MRC2: variants seen among roughly 807,000 people sequenced by gnomAD.
The protein encoded by MRC2 is mannose receptor C-type 2.
In MRC2, 84 loss-of-function variants were observed where a neutral mutation model predicts 206.2. The ratio of observed to expected loss-of-function variants is 0.41; its 90% CI spans 0.34 to 0.49. The LOEUF is 0.49. Ranked by LOEUF, MRC2 falls within the 20% of genes least tolerant of loss-of-function variation. The pLI, the probability that MRC2 is intolerant of heterozygous loss-of-function variation, is 0.31. For synonymous variants in MRC2, 798 were observed against 800.0 expected, an observed-to-expected ratio of 1.00 and a Z score of 0.04; for missense variants, 1,676 against 2,001.5, an observed-to-expected ratio of 0.84 and a Z score of 3.10.
At chr17:62,677,602 G>A (rs80181739) in intron 12 of MRC2, 116 bp downstream of exon 12, 9 of 929,516 alleles carry the variant, frequency 9.7e-6, no homozygotes, top group African/African-American at 1.7e-5. Context: ...GGCTGCAGAC[G>A]GGTGATTTCT....
rs377701338 is a variant in MRC2 at position 62,660,183 on chromosome 17, A to G, written c.119-4365A>G. Among the ~76,000 whole-genome samples, 7 of 152,334 alleles carry G rather than the reference A, an allele frequency of 4.6e-5. No individual in the cohort carries two copies. The East Asian group carries it at 7.7e-4, about 17-fold the overall frequency. On this transcript the variant is annotated intron_variant, in intron 1 of 29. Transcript: ENST00000303375. ...AGAGGTAGAGAGGAAAAAATCCTTG[A>G]AAGTAAAAAGTAAACCTGGCACATT...
intron 1 of MRC2, among the ~76,000 whole-genome samples, chr17:62,630,026 C>CTGTCACTGGAAGGAGTCCTCTTTGTTAGT (rs2084203947): frequency 6.6e-6 from 1 of 151,854 alleles, no homozygotes; most frequent in African/African-American, 2.4e-5. Context: ...CCCGCGGAGA[C>CTGTCACTGGAAGGAGTCCTCTTTGTTAGT]TGTCACTGGA....
chr17:62,674,468 C>T (rs910785151), intron 9 of MRC2, among the ~76,000 whole-genome samples: 2 of 152,134 alleles, frequency 1.3e-5, no homozygotes, highest in East Asian at 1.9e-4. Context: ...GGCTGGTCTA[C>T]CCCCGAGTGC....
At position 62,692,776 on chromosome 17, in the gene MRC2, C is replaced by T. The variant is rs2089128478; in HGVS notation, c.*325C>T. 1 of 328,206 alleles carries T rather than the reference C, an allele frequency of 3.0e-6. No homozygotes were observed. The highest frequency in any genetic ancestry group is 4.1e-5 in the Admixed American group (1 of 24,152). 20.3% of individuals were successfully genotyped at this position (328,206 alleles called of 1,614,324 possible). A position where few individuals can be genotyped will look rare whatever the true frequency, so the allele number is the denominator to read the frequency against. ...CCTCTTTCTCCCCAGAGCCCCCGGCCCAGGCCTGTTGATCCGCGCCCCAGG... is the reference window on the plus strand; with the variant it reads ...CCTCTTTCTCCCCAGAGCCCCCGGCTCAGGCCTGTTGATCCGCGCCCCAGG... On this transcript the variant is annotated 3_prime_UTR_variant, in exon 30 of 30. Transcript: ENST00000303375. The surrounding 1 kb of genome is among the most constrained non-coding windows in gnomAD (Gnocchi z 4.2).
chr17:62,665,992 C>A, intron 2 of MRC2, 102 bp from the exon 3 acceptor site: 1 of 1,278,814 alleles, frequency 7.8e-7, no homozygotes, highest in South Asian at 1.5e-5. Flanking sequence ...CCTGTGAACA[C>A]CCAGCACTCT....
chr17:62,629,359 A>G (rs1485558935), intron 1 of MRC2, among the ~76,000 whole-genome samples: 1 of 152,164 alleles, frequency 6.6e-6, no homozygotes, highest in African/African-American at 2.4e-5. Context: ...GGAGCTTTTC[A>G]TAGAGGGGGC....
Position 62,689,305 on chromosome 17 carries a change from G to A in MRC2, c.3335-217G>A, listed in dbSNP as rs1031203432. The stretch of plus-strand genomic sequence containing the variant: ...GCCTCTGCGCCGGGTTCCTTGGGTA[G>A]GAGGAGGTCAAGGCCCTCACCTCCC... On this transcript the variant is annotated intron_variant, in intron 23 of 29. Transcript: ENST00000303375. 6.9e-6 allele frequency: 4 copies of A among 580,758 alleles called. No individual in the cohort carries two copies. In the Admixed American group the frequency reaches 1.2e-4, roughly 18 times the overall value. The allele number at this position is 580,758 out of a possible 1,614,324, so 36.0% of individuals were successfully genotyped here. A position where few individuals can be genotyped will look rare whatever the true frequency, so the allele number is the denominator to read the frequency against.
Position 62,692,649 on chromosome 17 carries a change from G to C in MRC2, c.*198G>C. ...ACAAGGGCTGGGCTGAGACCCAGCT[G>C]AGTGCAGCGTGGCGTTTCCCTTTCT... On this transcript the variant is annotated 3_prime_UTR_variant, in exon 30 of 30. Coordinates refer to ENST00000303375, the MANE Select transcript of MRC2 (RefSeq NM_006039.5). This position sits in a 1 kb window ranked among gnomAD's most constrained non-coding sequence, Gnocchi z 4.2. 1 of 599,796 alleles carries C rather than the reference G, an allele frequency of 1.7e-6. No individual in the cohort carries two copies. Among genetic ancestry groups the C allele is most frequent in the East Asian group, 2.9e-5 (1 of 35,084 alleles). The allele number at this position is 599,796 out of a possible 1,614,324, so 37.2% of individuals were successfully genotyped here.
At chr17:62,676,593 T>C (rs1174607703) in intron 11 of MRC2, 62 bp downstream of exon 11, 2 of 1,522,376 alleles carry the variant, frequency 1.3e-6, no homozygotes, top group African/African-American at 2.8e-5. Context: ...GGACTGGCCC[T>C]GCCAGCACCG....
intron 20 of MRC2, among the ~76,000 whole-genome samples, 156 bp downstream of exon 20, chr17:62,682,533 G>GC (rs1420900953): frequency 1.3e-5 from 2 of 152,148 alleles, no homozygotes; most frequent in Non-Finnish European, 2.9e-5. Flanking sequence ...CAGTACCAGG[G>GC]CCAGACTCCT....
chr17:62,664,527 G>A lies in MRC2; in HGVS notation c.119-21G>A, dbSNP rs776078336. ...CCAGGAGAGCCCCTGTGATGCCTTC[G>A]TGTCTTGCCTTCCCTTCCAGAACCC... On this transcript the variant is annotated intron_variant, in intron 1 of 29. Transcript: ENST00000303375. The surrounding 1 kb of genome is among the most constrained non-coding windows in gnomAD (Gnocchi z 4.7). 25 of 1,590,466 alleles carry A rather than the reference G, an allele frequency of 1.6e-5. No individual in the cohort carries two copies. In the Middle Eastern group the frequency reaches 6.7e-4, roughly 43 times the overall value.
Position 62,627,764 on chromosome 17 carries a change from G to C in MRC2, c.-39G>C. On this transcript the variant is annotated 5_prime_UTR_variant, in exon 1 of 30. Transcript: ENST00000303375. Reference sequence around the variant, plus strand: ...CTGCCACAGCGCGTTGCGCCTGTGCGCCCTCGGTCCCCGCGTCCACTGAGC... The same window carrying C: ...CTGCCACAGCGCGTTGCGCCTGTGCCCCCTCGGTCCCCGCGTCCACTGAGC... 1 of 1,352,876 alleles carries C rather than the reference G, an allele frequency of 7.4e-7. No homozygotes were observed. The highest frequency in any genetic ancestry group is 1.7e-5 in the South Asian group (1 of 57,252). The allele number at this position is 1,352,876 out of a possible 1,614,324, so 83.8% of individuals were successfully genotyped here. A position where few individuals can be genotyped will look rare whatever the true frequency, so the allele number is the denominator to read the frequency against.
intron 1 of MRC2, among the ~76,000 whole-genome samples, chr17:62,631,982 C>T (rs1158978558): frequency 6.6e-6 from 1 of 152,156 alleles, no homozygotes; most frequent in Non-Finnish European, 1.5e-5. Flanking sequence ...GGCCTGAGCA[C>T]TGCTGATAGG....
In MRC2 at chr17:62,690,656, C is replaced by T. The variant is rs138062830; in HGVS notation, c.3907C>T (p.Leu1303=). 2 of 1,610,090 alleles carry T rather than the reference C, an allele frequency of 1.2e-6. No individual in the cohort carries two copies. The highest frequency in any genetic ancestry group is 1.3e-5 in the African/African-American group (1 of 74,828). Residue 1303 remains leucine (L), a synonymous_variant, in exon 27 of 30, where the codon CTG becomes TTG. Coordinates refer to ENST00000303375, the MANE Select transcript of MRC2 (RefSeq NM_006039.5). ...TTTGCATCCAGCGGGTGGGGCCGTC[C>T]TGTCTATCCTGGATGAGATGGAGAA... The part of the protein sequence containing the change: ...QRCQRAGGAV[L]SILDEMENVF...
In MRC2 at chr17:62,674,141, G is replaced by A; in HGVS notation, c.1540G>A (p.Ala514Thr). Residue 514 changes from alanine to threonine, a missense_variant, in exon 9 of 30, where the codon GCC becomes ACC. By Grantham distance (58) the Ala-to-Thr change is moderately conservative. Transcript: ENST00000303375. ...GAAGGCAGGCCAGCTGAGCCAGGGG[G>A]CCGCCGAGGAGGACCATGGCTGCCG... The part of the protein sequence containing the change: ...CKKAGQLSQG[A>T]AEEDHGCRKG... 1.3e-6 allele frequency: 2 copies of A among 1,553,452 alleles called. No homozygotes were observed. The highest frequency in any genetic ancestry group is 1.7e-6 in the Non-Finnish European group (2 of 1,148,188).
At chr17:62,645,522 TATA>T (rs1220384607) in intron 1 of MRC2, among the ~76,000 whole-genome samples, 362 of 43,080 alleles carry the variant, frequency 8.4e-3, no homozygotes, top group African/African-American at 0.011. Flanking sequence ...TATATATATA[TATA>T]TATTTTTTTT....
chr17:62,666,423 G>C lies in MRC2; in HGVS notation c.695-32G>C. On this transcript the variant is annotated intron_variant, in intron 3 of 29. Transcript: ENST00000303375. The surrounding 1 kb of genome is among the most constrained non-coding windows in gnomAD (Gnocchi z 5.0). ...CTGCACTCCCGAGGGACCCTGGAGGGGGCCTGAAGGAGAGGGCTGTCGTGG... is the reference window on the plus strand; with the variant it reads ...CTGCACTCCCGAGGGACCCTGGAGGCGGCCTGAAGGAGAGGGCTGTCGTGG... The C allele has an allele frequency of 6.2e-7, 1 of 1,613,338 alleles. No homozygotes were observed. The highest frequency in any genetic ancestry group is 2.2e-5 in the East Asian group (1 of 44,856).
chr17:62,646,315 C>T (rs748516456), intron 1 of MRC2, among the ~76,000 whole-genome samples: 3 of 152,086 alleles, frequency 2.0e-5, no homozygotes, highest in Admixed American at 6.6e-5. Flanking sequence ...TGAGCCACCG[C>T]GCCCGGCCCC....
At chr17:62,688,149 T>C in intron 20 of MRC2, 140 bp from the exon 21 acceptor site, 1 of 673,374 alleles carries the variant, frequency 1.5e-6, no homozygotes, top group Non-Finnish European at 2.6e-6. Context: ...CAGACCCAGC[T>C]GTCCTGGTTC....
Sources: gnomAD v4.1 joint callset for allele counts (sites outside exome capture counted in the v4.1 genomes callset) on GRCh38, gnomAD v4.1.1 for gene constraint, Gnocchi (gnomAD v3.1) non-coding constraint, MANE v1.5 for transcripts, NCBI Gene and HGNC (gene_info 2026-07-23, HGNC 2026-07-21) for gene names.